MVK: variants seen among roughly 807,000 people sequenced by gnomAD.
MVK encodes the protein LH receptor mRNA-binding protein.
A neutral mutation model predicts 43.2 loss-of-function variants in MVK; 34 were observed. The ratio of observed to expected loss-of-function variants is 0.79; its 90% CI spans 0.60 to 1.05. The LOEUF (loss-of-function observed/expected upper bound fraction) is 1.05. Ranked by LOEUF, MVK falls within the 50% of genes least tolerant of loss-of-function variation. MVK has a pLI of 0.00. For missense variants in MVK, 395 were observed against 504.0 expected (o/e 0.78, Z 2.07); for synonymous variants, 190 against 219.8 (o/e 0.86, Z 1.20).
chr12:109,580,342 A>C (rs2136225349), intron 4 of MVK, among the ~76,000 whole-genome samples: 1 of 152,210 alleles, frequency 6.6e-6, no homozygotes, highest in East Asian at 1.9e-4. Context: ...GGCTCATGTG[A>C]TCCAACTGCC....
rs545479531 is a variant in MVK at position 109,593,234 on chromosome 12, C to T, written c.886-1794C>T. Reference sequence around the variant, plus strand: ...GCCCATCAGGCTGGTGAGAGGCACCCGGGGCTGCCACCAGGCCATCATGCC... The same window carrying T: ...GCCCATCAGGCTGGTGAGAGGCACCTGGGGCTGCCACCAGGCCATCATGCC... On this transcript the variant is annotated intron_variant, in intron 9 of 10. Transcript: ENST00000228510. Among the ~76,000 whole-genome samples, 14 of 152,364 alleles carry T rather than the reference C, an allele frequency of 9.2e-5. No individual in the cohort carries two copies. The East Asian group carries it at 1.3e-3, about 15-fold the overall frequency.
intron 5 of MVK, 100 bp downstream of exon 5, chr12:109,581,650 G>C: frequency 6.5e-7 from 1 of 1,537,952 alleles, no homozygotes; most frequent in Admixed American, 1.8e-5. Flanking sequence ...GAGGTGAGAG[G>C]TGTCATAGTG....
Position 109,590,774 on chromosome 12 carries a change from G to A in MVK, c.681G>A (p.Ser227=), listed in dbSNP as rs764412001. The A allele has an allele frequency of 9.9e-6, 16 of 1,613,908 alleles. No homozygotes were observed. The highest frequency in any genetic ancestry group is 5.3e-5 in the African/African-American group (4 of 74,896). The change falls in exon 8 of 11, where the codon TCG becomes TCA. Residue 227 remains serine (S), a synonymous_variant. Transcript: ENST00000228510. The part of the protein sequence containing the change: ...HQGKISSLKR[S]PALQILLTNT... ...CTGCCTCCTCTTCACCCTGCAGGTC[G>A]CCAGCTCTCCAGATCCTGCTGACCA...
At position 109,590,862 on chromosome 12, in the gene MVK, G is replaced by T; in HGVS notation, c.768+1G>T. ...TGGCGTCAGAAACAGGCTGCTCAAG[G>T]TGACTCTTGTTCCCTTCTTGGGCAG... On this transcript the variant is annotated splice_donor_variant, in intron 8 of 10. Coordinates refer to ENST00000228510, the MANE Select transcript of MVK (RefSeq NM_000431.4). LOFTEE classifies it high-confidence loss of function. 3 of 1,614,088 alleles carry T rather than the reference G, an allele frequency of 1.9e-6. No homozygotes were observed. The highest frequency in any genetic ancestry group is 2.5e-6 in the Non-Finnish European group (3 of 1,179,946).
At chr12:109,596,368 T>G in intron 10 of MVK, 58 bp from the exon 11 acceptor site, 73 of 1,576,454 alleles carry the variant, frequency 4.6e-5, no homozygotes, top group Non-Finnish European at 5.4e-5. Flanking sequence ...TTGAATATGA[T>G]GAGCTTCTCC....
rs1885928129 is a variant in MVK at position 109,596,647 on chromosome 12, CT to C, written c.*71del. 4.4e-6 allele frequency: 7 copies of C among 1,579,680 alleles called. No homozygotes were observed. In the South Asian group the frequency reaches 7.8e-5, roughly 18 times the overall value. On this transcript the variant is annotated 3_prime_UTR_variant, in exon 11 of 11. Transcript: ENST00000228510. ...GATTATTCTGGGGGCTGCAGTTCGA[CT>C]CTGTGCTGGCCAGCGAGCGCCCAGC...
chr12:109,579,543 CTGT>C (rs1156349041), intron 3 of MVK, among the ~76,000 whole-genome samples: 1 of 152,206 alleles, frequency 6.6e-6, no homozygotes, highest in Non-Finnish European at 1.5e-5. Flanking sequence ...AGAAGAGGCA[CTGT>C]TGTTATCCCT....
At chr12:109,577,158 G>A (rs1486478785) in intron 3 of MVK, among the ~76,000 whole-genome samples, 1 of 152,146 alleles carries the variant, frequency 6.6e-6, no homozygotes, top group Admixed American at 6.5e-5. Context: ...TGTGTGTCAC[G>A]TGTGTGTGCT....
chr12:109,574,896 G>C lies in MVK; in HGVS notation c.74G>C (p.Gly25Ala). 5.0e-6 allele frequency: 8 copies of C among 1,608,242 alleles called. No homozygotes were observed. Among genetic ancestry groups the C allele is most frequent in the Non-Finnish European group, 5.9e-6 (7 of 1,177,282 alleles). Residue 25 changes from glycine to alanine, a missense_variant, in exon 2 of 11, where the codon GGC (glycine) becomes GCC (alanine). Physicochemically the swap from Gly to Ala is moderately conservative, Grantham distance 60. Coordinates refer to ENST00000228510, the MANE Select transcript of MVK (RefSeq NM_000431.4). ...CATGGAGAACATGCCGTGGTACATG[G>C]CAAGGTACAAAGCCGTTAGAGCCTT... ...ILHGEHAVVH[G>A]KVALAVSLNL...
intron 3 of MVK, among the ~76,000 whole-genome samples, chr12:109,577,541 CT>C (rs1472722253): frequency 6.6e-6 from 1 of 152,178 alleles, no homozygotes; most frequent in Admixed American, 6.5e-5. Context: ...AACTCCTGGG[CT>C]CAAGCAGTTT....
chr12:109,595,657 C>A lies in MVK; in HGVS notation c.1039+476C>A, dbSNP rs1190328149. ...TAGGAAGCTCCCTGGTGCCTGGGGG[C>A]CTGGCAAGGGGCTTCTGCTAGTGTT... On this transcript the variant is annotated intron_variant, in intron 10 of 10. Transcript: ENST00000228510. The surrounding 1 kb of genome is among the most constrained non-coding windows in gnomAD (Gnocchi z 5.9). Among the ~76,000 whole-genome samples, 2 of 152,164 alleles carry A rather than the reference C, an allele frequency of 1.3e-5. No homozygotes were observed. Among genetic ancestry groups the A allele is most frequent in the African/African-American group, 4.8e-5 (2 of 41,418 alleles).
chr12:109,575,053 C>T (rs1450183643), intron 2 of MVK, among the ~76,000 whole-genome samples, 153 bp downstream of exon 2: 1 of 152,150 alleles, frequency 6.6e-6, no homozygotes, highest in South Asian at 2.1e-4. Context: ...TTTCTTATGC[C>T]CACTGAAGGG....
At position 109,596,729 on chromosome 12, in the gene MVK, G is replaced by A. The variant is rs1885932797; in HGVS notation, c.*152G>A. 7.0e-6 allele frequency: 8 copies of A among 1,138,052 alleles called. No homozygotes were observed. The highest frequency in any genetic ancestry group is 1.0e-5 in the Non-Finnish European group (8 of 790,834). The allele number at this position is 1,138,052 out of a possible 1,614,324, so 70.5% of individuals were successfully genotyped here. A position where few individuals can be genotyped will look rare whatever the true frequency, so the allele number is the denominator to read the frequency against. ...TTGGCGATGCCAGCCAAGCTCTGCA[G>A]TCCCAGCGGTGGGACCTAGGGAGGC... On this transcript the variant is annotated 3_prime_UTR_variant, in exon 11 of 11. Coordinates refer to ENST00000228510, the MANE Select transcript of MVK (RefSeq NM_000431.4).
Position 109,591,289 on chromosome 12 carries a change from C to T in MVK, c.817C>T (p.Leu273=). The T allele has an allele frequency of 6.2e-7, 1 of 1,614,218 alleles. No individual in the cohort carries two copies. The highest frequency in any genetic ancestry group is 8.5e-7 in the Non-Finnish European group (1 of 1,180,042). Residue 273 remains leucine, a synonymous_variant, in exon 9 of 11, where the codon CTG becomes TTG. Coordinates refer to ENST00000228510, the MANE Select transcript of MVK (RefSeq NM_000431.4). ...CCTGACCTCAATAGATGCCATCTCCCTGGAGTGTGAGCGCGTGCTGGGAGA... is the reference window on the plus strand; with the variant it reads ...CCTGACCTCAATAGATGCCATCTCCTTGGAGTGTGAGCGCGTGCTGGGAGA... ...PLLTSIDAIS[L]ECERVLGEMG... is the part of the protein sequence containing the mutation.
chr12:109,586,984 T>A, intron 7 of MVK, 185 bp downstream of exon 7: 1 of 656,222 alleles, frequency 1.5e-6, no homozygotes, highest in Non-Finnish European at 2.7e-6. Flanking sequence ...GCTCTCTCCT[T>A]CTCCCCTTCA....
chr12:109,575,076 C>T (rs757028880), intron 2 of MVK, among the ~76,000 whole-genome samples, 176 bp downstream of exon 2: 9 of 152,042 alleles, frequency 5.9e-5, no homozygotes, highest in Non-Finnish European at 1.0e-4. Flanking sequence ...TCTTGGGCCT[C>T]GCTCGGTATG....
intron 6 of MVK, among the ~76,000 whole-genome samples, chr12:109,586,326 G>A (rs762009996): frequency 3.6e-4 from 55 of 152,340 alleles, no homozygotes; most frequent in Non-Finnish European, 5.7e-4. Context: ...CTCCGGGGGT[G>A]GAACTGGGGC....
intron 7 of MVK, among the ~76,000 whole-genome samples, chr12:109,587,514 G>A (rs1470491193): frequency 6.6e-6 from 1 of 152,244 alleles, no homozygotes; most frequent in Non-Finnish European, 1.5e-5. Context: ...GGGGAGCCAG[G>A]TGCCTTTTTG....
At chr12:109,584,962 C>T (rs970291438) in intron 5 of MVK, among the ~76,000 whole-genome samples, 4 of 152,200 alleles carry the variant, frequency 2.6e-5, no homozygotes, top group African/African-American at 7.2e-5. Flanking sequence ...GTCAGAAAAC[C>T]ACCTTTAGCT....
Sources: gnomAD v4.1 joint callset for allele counts (sites outside exome capture counted in the v4.1 genomes callset) on GRCh38, gnomAD v4.1.1 for gene constraint, Gnocchi (gnomAD v3.1) non-coding constraint, MANE v1.5 for transcripts, NCBI Gene and HGNC (gene_info 2026-07-23, HGNC 2026-07-21) for gene names.